The following STYX variants were observed in gnomAD, a reference collection of about 807,000 sequenced individuals.
STYX encodes serine/threonine/tyrosine-interacting protein.
Under a neutral mutation model 42.7 loss-of-function variants are expected in STYX, and 20 were observed. The observed-to-expected ratio is 0.47, with a 90% CI of 0.33 to 0.68. The LOEUF is 0.68. Among genes scored for constraint, STYX ranks in the 30% least tolerant of loss-of-function variants. STYX has a pLI of 0.02. For missense variants in STYX, 226 were observed against 268.5 expected (o/e 0.84, Z 1.11); for synonymous variants, 78 against 81.9 (o/e 0.95, Z 0.26).
intron 8 of STYX, among the ~76,000 whole-genome samples, chr14:52,758,841 T>C (rs1418546109): frequency 6.6e-6 from 1 of 152,180 alleles, no homozygotes; most frequent in Non-Finnish European, 1.5e-5. Flanking sequence ...CCCAAGGTGC[T>C]GGTATTACAG....
At chr14:52,760,522 C>T (rs1335845776) in intron 9 of STYX, among the ~76,000 whole-genome samples, 7 of 152,216 alleles carry the variant, frequency 4.6e-5, no homozygotes, top group Non-Finnish European at 8.8e-5. Context: ...GAGGCAAAAT[C>T]ATAGGCTGCA....
chr14:52,755,665 C>G (rs902221017), intron 4 of STYX, among the ~76,000 whole-genome samples: 1 of 148,828 alleles, frequency 6.7e-6, no homozygotes, highest in Non-Finnish European at 1.5e-5. Context: ...AAATTCAGTA[C>G]AGGTGCTCTC....
At chr14:52,744,758 A>T (rs1461454268) in intron 1 of STYX, 94 bp from the exon 2 acceptor site, 3 of 1,195,238 alleles carry the variant, frequency 2.5e-6, no homozygotes, top group African/African-American at 1.5e-5. Flanking sequence ...ATGTAACTTT[A>T]AAAAATCTAC....
At position 52,746,423 on chromosome 14, in the gene STYX, T is replaced by C; in HGVS notation, c.91-3T>C. 1 of 1,558,414 alleles carries C rather than the reference T, an allele frequency of 6.4e-7. No individual in the cohort carries two copies. The highest frequency in any genetic ancestry group is 8.6e-7 in the Non-Finnish European group (1 of 1,161,834). ...TAAATACCTCAAATTTTTTTTTTTC[T>C]AGGAAATTTTACCTGGATTGTTCTT... On this transcript the variant is annotated splice_polypyrimidine_tract_variant and splice_region_variant and intron_variant, in intron 2 of 10. Coordinates refer to ENST00000354586, the MANE Select transcript of STYX (RefSeq NM_145251.4).
At chr14:52,737,464 A>T (rs1482800830) in intron 1 of STYX, among the ~76,000 whole-genome samples, 1 of 152,112 alleles carries the variant, frequency 6.6e-6, no homozygotes, top group East Asian at 1.9e-4. Context: ...ATAGAGGGTT[A>T]TTTTGGTTTA....
chr14:52,736,051 C>G (rs1301657005), intron 1 of STYX, among the ~76,000 whole-genome samples: 1 of 152,170 alleles, frequency 6.6e-6, no homozygotes, highest in Non-Finnish European at 1.5e-5. Context: ...TTGCTCCTTT[C>G]TCTGTAAGCC....
At chr14:52,765,989 A>G (rs1229439738) in intron 9 of STYX, among the ~76,000 whole-genome samples, 1 of 151,900 alleles carries the variant, frequency 6.6e-6, no homozygotes, top group Non-Finnish European at 1.5e-5. Context: ...ATCAAGGTGT[A>G]TCCTGGTTTT....
chr14:52,755,843 A>G (rs373634716), intron 4 of STYX, among the ~76,000 whole-genome samples: 2 of 152,242 alleles, frequency 1.3e-5, no homozygotes, highest in East Asian at 3.9e-4. Flanking sequence ...AGCAGGAGTC[A>G]CAGGACCACT....
At chr14:52,746,862 C>A (rs1881414547) in intron 3 of STYX, among the ~76,000 whole-genome samples, 3 of 152,172 alleles carry the variant, frequency 2.0e-5, no homozygotes. Context: ...CCTTCCTTAT[C>A]AAGGGTAAGA....
chr14:52,730,277 C>T lies in STYX; in HGVS notation c.-198C>T, dbSNP rs1016958255. 9.9e-6 allele frequency: 6 copies of T among 604,784 alleles called. No individual in the cohort carries two copies. In the South Asian group the frequency reaches 1.2e-4, roughly 12 times the overall value. 37.5% of individuals were successfully genotyped at this position (604,784 alleles called of 1,614,324 possible). A position where few individuals can be genotyped will look rare whatever the true frequency, so the allele number is the denominator to read the frequency against. On this transcript the variant is annotated 5_prime_UTR_variant, in exon 1 of 11. Coordinates refer to ENST00000354586, the MANE Select transcript of STYX (RefSeq NM_145251.4). ...GCCGGGTGTAAGACGCCCGACCCTC[C>T]TCTTCCCTGTCTTCGCCGCCGCCGC...
intron 1 of STYX, 69 bp downstream of exon 1, chr14:52,730,600 C>T (rs541301250): frequency 1.3e-6 from 2 of 1,551,048 alleles, no homozygotes; most frequent in East Asian, 4.7e-5. Context: ...CGACCCCAGT[C>T]CCCAACCGTC....
At chr14:52,758,071 T>A (rs1379724478) in intron 8 of STYX, 147 bp downstream of exon 8, 1 of 860,242 alleles carries the variant, frequency 1.2e-6, no homozygotes, top group Non-Finnish European at 1.8e-6. Flanking sequence ...ATTCCATGAT[T>A]AGTCTTAACC....
chr14:52,768,848 A>G lies in STYX; in HGVS notation c.513A>G (p.Glu171=). Residue 171 remains glutamate, a synonymous_variant, in exon 10 of 11, where the codon GAA becomes GAG. Coordinates refer to ENST00000354586, the MANE Select transcript of STYX (RefSeq NM_145251.4). The stretch of plus-strand genomic sequence containing the variant: ...ACTTATTTTTTTTTTAGGAATATGA[A>G]GCCATCTACCTAGCAAAATTAACAA... The part of the protein sequence containing the change: ...AGFVHQLQEY[E]AIYLAKLTIQ... 6.3e-7 allele frequency: 1 copy of G among 1,575,092 alleles called. No homozygotes were observed. The highest frequency in any genetic ancestry group is 8.6e-7 in the Non-Finnish European group (1 of 1,165,382).
intron 9 of STYX, among the ~76,000 whole-genome samples, chr14:52,766,988 C>A (rs776921842): frequency 6.6e-6 from 1 of 151,970 alleles, no homozygotes; most frequent in Non-Finnish European, 1.5e-5. Context: ...CTTGACCTCA[C>A]GAAACTTATT....
At position 52,773,069 on chromosome 14, in the gene STYX, T is replaced by C. The variant is rs527925357; in HGVS notation, c.*1963T>C. 52 of 152,300 alleles carry C rather than the reference T, an allele frequency of 3.4e-4. No homozygotes were observed. Among genetic ancestry groups the C allele is most frequent in the African/African-American group, 1.0e-3 (42 of 41,560 alleles). The allele number at this position is 152,300 out of a possible 1,614,324, so 9.4% of individuals were successfully genotyped here. ...TGCTTCATTTAGCAGAAACTCTGCT[T>C]AAAAGAATCTTCATAATAGTAAGTT... On this transcript the variant is annotated 3_prime_UTR_variant, in exon 11 of 11. Transcript: ENST00000354586.
At chr14:52,738,367 A>G (rs1370267675) in intron 1 of STYX, among the ~76,000 whole-genome samples, 2 of 152,182 alleles carry the variant, frequency 1.3e-5, no homozygotes, top group Non-Finnish European at 2.9e-5. Flanking sequence ...ATATATCTCA[A>G]GAGAGTCTTT....
Position 52,758,816 on chromosome 14 carries a change from C to G in STYX, c.432-866C>G, listed in dbSNP as rs1426334711. 2.6e-5 allele frequency among the ~76,000 whole-genome samples: 4 copies of G among 152,086 alleles called. No homozygotes were observed. The East Asian group carries it at 7.7e-4, about 29-fold the overall frequency. On this transcript the variant is annotated intron_variant, in intron 8 of 10. Coordinates refer to ENST00000354586, the MANE Select transcript of STYX (RefSeq NM_145251.4). The stretch of plus-strand genomic sequence containing the variant: ...GTCTCGATTTCTTGACCTTGTGATC[C>G]ACCTGCCTCGGCCTCCCAAGGTGCT...
chr14:52,745,135 T>G (rs1486883748), intron 2 of STYX, among the ~76,000 whole-genome samples: 1 of 151,710 alleles, frequency 6.6e-6, no homozygotes, highest in Admixed American at 6.6e-5. Flanking sequence ...TTTTTTTTTT[T>G]TTGAAACAGA....
intron 4 of STYX, among the ~76,000 whole-genome samples, chr14:52,752,809 A>G (rs1177201620): frequency 2.6e-5 from 4 of 151,786 alleles, no homozygotes; most frequent in African/African-American, 9.7e-5. Flanking sequence ...CTAAGAAGGA[A>G]AATTCAGGGC....
Sources: gnomAD v4.1 joint callset for allele counts (sites outside exome capture counted in the v4.1 genomes callset) on GRCh38, gnomAD v4.1.1 for gene constraint, MANE v1.5 for transcripts, NCBI Gene and HGNC (gene_info 2026-07-23, HGNC 2026-07-21) for gene names.